The following DMTN variants were observed in gnomAD, a reference collection of about 807,000 sequenced individuals.
DMTN encodes the protein dematin actin binding protein.
In DMTN, 27 loss-of-function variants were observed where a neutral mutation model predicts 59.4. That is an observed-to-expected ratio of 0.45 (90% CI 0.33 to 0.63). The LOEUF is 0.63. Ranked by LOEUF, DMTN falls within the 20% of genes least tolerant of loss-of-function variation. The probability of loss-of-function intolerance (pLI) is 0.02; values close to 1 mark genes in which losing one functional copy is unlikely to be tolerated. For synonymous variants in DMTN, 221 were observed against 203.7 expected, an observed-to-expected ratio of 1.08 and a Z score of -0.72; for missense variants, 451 against 528.9, an observed-to-expected ratio of 0.85 and a Z score of 1.45.
Position 22,060,383 on chromosome 8 carries a change from ACTCT to A in DMTN, c.-172+3256_-172+3259del, listed in dbSNP as rs140175733. 6.9e-5 allele frequency among the ~76,000 whole-genome samples: 10 copies of A among 144,968 alleles called. No individual in the cohort carries two copies. Among genetic ancestry groups the A allele is most frequent in the African/African-American group, 2.1e-4 (8 of 38,802 alleles). The stretch of plus-strand genomic sequence containing the variant: ...GTGTGATTTGAGAGAAGCCAAGGAA[ACTCT>A]CTCTCTCTTTCTCTCTTTCTGTCTC... On this transcript the variant is annotated intron_variant, in intron 1 of 15. Coordinates refer to ENST00000358242, the MANE Select transcript of DMTN (RefSeq NM_001387751.1). The surrounding 1 kb of genome is among the most constrained non-coding windows in gnomAD (Gnocchi z 5.0).
chr8:22,057,833 A>G (rs1211336241), intron 1 of DMTN: 1 of 152,356 alleles, frequency 6.6e-6, no homozygotes, highest in African/African-American at 2.4e-5. Flanking sequence ...TTTCTTGGGC[A>G]GACACACCCA....
chr8:22,075,214 G>A (rs1002191295), intron 10 of DMTN, among the ~76,000 whole-genome samples: 5 of 149,522 alleles, frequency 3.3e-5, no homozygotes, highest in African/African-American at 1.2e-4. Flanking sequence ...AAAAGCCTAA[G>A]AGGAAACCAC....
intron 1 of DMTN, among the ~76,000 whole-genome samples, chr8:22,061,176 G>A (rs555558454): frequency 2.0e-4 from 30 of 151,838 alleles, no homozygotes; most frequent in East Asian, 5.8e-4. Context: ...CCAGCTACTC[G>A]GGAGACTGAG....
At chr8:22,078,393 A>G (rs1436995654) in intron 10 of DMTN, among the ~76,000 whole-genome samples, 2 of 148,160 alleles carry the variant, frequency 1.3e-5, no homozygotes, top group African/African-American at 5.0e-5. Flanking sequence ...ATATACATAT[A>G]TACATATATT....
chr8:22,081,489 C>A lies in DMTN; in HGVS notation c.*26C>A. 1 of 1,596,198 alleles carries A rather than the reference C, an allele frequency of 6.3e-7. No individual in the cohort carries two copies. Among genetic ancestry groups the A allele is most frequent in the Non-Finnish European group, 8.6e-7 (1 of 1,163,932 alleles). On this transcript the variant is annotated 3_prime_UTR_variant, in exon 16 of 16. Transcript: ENST00000358242. Reference sequence around the variant, plus strand: ...TGGCCCCCACCTGCTCCGGGACGGCCCCCTTACCCCTGCTGCTTCAGGGTT... The same window carrying A: ...TGGCCCCCACCTGCTCCGGGACGGCACCCTTACCCCTGCTGCTTCAGGGTT...
At chr8:22,050,004 G>C (rs770354402), upstream of DMTN, among the ~76,000 whole-genome samples, 1 of 152,122 alleles carries the variant, frequency 6.6e-6, no homozygotes, top group Non-Finnish European at 1.5e-5. Context: ...TAGAAGGTGG[G>C]GACAGCGGCA....
At chr8:22,062,802 ATCCC>A (rs948220192) in intron 1 of DMTN, among the ~76,000 whole-genome samples, 18 of 149,568 alleles carry the variant, frequency 1.2e-4, no homozygotes, top group African/African-American at 3.2e-4. Context: ...CCCTCCCTCT[ATCCC>A]TCCCTCCCTC....
upstream of DMTN, among the ~76,000 whole-genome samples, chr8:22,050,943 G>C (rs1046091102): frequency 6.6e-6 from 1 of 152,172 alleles, no homozygotes; most frequent in Non-Finnish European, 1.5e-5. Context: ...GATGCTAAAA[G>C]GAAGAAGCCA....
In DMTN at chr8:22,067,694, C is replaced by T. The variant is rs746740705; in HGVS notation, c.249+12C>T. Reference sequence around the variant, plus strand: ...CTCGCAGCCGCGAGGTGAGGGGGCTCCTCTTGGGCAGGACTCCGGGGGAGG... The same window carrying T: ...CTCGCAGCCGCGAGGTGAGGGGGCTTCTCTTGGGCAGGACTCCGGGGGAGG... On this transcript the variant is annotated intron_variant, in intron 4 of 15. Transcript: ENST00000358242. 8.1e-6 allele frequency: 13 copies of T among 1,613,096 alleles called. No individual in the cohort carries two copies. Among genetic ancestry groups the T allele is most frequent in the Admixed American group, 1.7e-5 (1 of 60,008 alleles).
intron 10 of DMTN, among the ~76,000 whole-genome samples, chr8:22,074,543 G>A (rs572652789): frequency 6.6e-6 from 1 of 152,206 alleles, no homozygotes; most frequent in Non-Finnish European, 1.5e-5. Context: ...CCAAACTGTT[G>A]GGATTATAGG....
chr8:22,059,711 T>C (rs73545546), intron 1 of DMTN, among the ~76,000 whole-genome samples: 32,133 of 152,098 alleles, frequency 0.21, 4,105 homozygotes, highest in African/African-American at 0.36. Flanking sequence ...TTAGAGACGA[T>C]GTATGAAAGT....
chr8:22,073,952 C>A, intron 10 of DMTN, 117 bp downstream of exon 10: 1 of 738,800 alleles, frequency 1.4e-6, no homozygotes, highest in South Asian at 1.6e-5. Flanking sequence ...CACGGCTGCT[C>A]TCTTGGGAGC....
chr8:22,070,347 G>A lies in DMTN; in HGVS notation c.604+13G>A. 1 of 1,587,802 alleles carries A rather than the reference G, an allele frequency of 6.3e-7. No homozygotes were observed. Among genetic ancestry groups the A allele is most frequent in the Non-Finnish European group, 8.6e-7 (1 of 1,168,366 alleles). On this transcript the variant is annotated intron_variant, in intron 8 of 15. Transcript: ENST00000358242. ...CTGGCTGTTGTGGGTAGGAGAGATGGGGAGAGTGGAATGGGTGGTCTGGGA... is the reference window on the plus strand; with the variant it reads ...CTGGCTGTTGTGGGTAGGAGAGATGAGGAGAGTGGAATGGGTGGTCTGGGA...
chr8:22,080,659 G>A, intron 13 of DMTN, 34 bp downstream of exon 13: 2 of 1,595,462 alleles, frequency 1.3e-6, no homozygotes, highest in Non-Finnish European at 1.7e-6. Flanking sequence ...AGGCAGAGCA[G>A]CAGAAGCTGG....
intron 15 of DMTN, 55 bp downstream of exon 15, chr8:22,081,248 G>A (rs1563555937): frequency 2.5e-6 from 4 of 1,609,260 alleles, no homozygotes; most frequent in South Asian, 1.1e-5. Flanking sequence ...GCACTCTCCT[G>A]CCTGGGGGAA....
upstream of DMTN, among the ~76,000 whole-genome samples, chr8:22,051,150 G>A (rs117596683): frequency 1.8e-3 from 277 of 152,298 alleles, 4 homozygotes; most frequent in East Asian, 0.018. Context: ...GCCCCTTGCC[G>A]TTGGGGAAAC....
chr8:22,051,492 C>T (rs1313743877), upstream of DMTN, among the ~76,000 whole-genome samples: 2 of 152,184 alleles, frequency 1.3e-5, no homozygotes, highest in Non-Finnish European at 2.9e-5. Flanking sequence ...TCAGTGTCTT[C>T]AGCCCCAAGC....
At position 22,072,458 on chromosome 8, in the gene DMTN, C is replaced by T. The variant is rs1244267899; in HGVS notation, c.729+8C>T. On this transcript the variant is annotated splice_region_variant and intron_variant, in intron 9 of 15. Transcript: ENST00000358242. ...AGAGAGGAACTCAGTAAGGTAGCAT[C>T]TCACCACCCCCACCCTCCACCCCTG... The T allele has an allele frequency of 1.9e-6, 3 of 1,549,402 alleles. No homozygotes were observed. The highest frequency in any genetic ancestry group is 2.7e-5 in the African/African-American group (2 of 73,092).
intron 10 of DMTN, among the ~76,000 whole-genome samples, chr8:22,076,768 A>T (rs117904248): frequency 0.026 from 3,882 of 152,022 alleles, 52 homozygotes; most frequent in Middle Eastern, 0.037. Flanking sequence ...ATACACACAC[A>T]CACACATATA....
Sources: allele counts gnomAD v4.1 joint callset (sites outside exome capture counted in the v4.1 genomes callset), GRCh38; gene constraint gnomAD v4.1.1; non-coding constraint Gnocchi (gnomAD v3.1); transcripts MANE v1.5; gene names NCBI Gene and HGNC (gene_info 2026-07-23, HGNC 2026-07-21).